The following XKR9 variants were observed in gnomAD, a reference collection of about 807,000 sequenced individuals.
XKR9 encodes the protein XK-related protein 9.
A neutral mutation model predicts 32.0 loss-of-function variants in XKR9; 32 were observed. The observed-to-expected ratio is 1.00, with a 90% CI of 0.76 to 1.34. The LOEUF (loss-of-function observed/expected upper bound fraction) is 1.34, where lower values mean the gene tolerates loss of function less well. XKR9 is among the 40% of genes most tolerant of loss of function. The probability of loss-of-function intolerance (pLI) is 0.00; values close to 1 mark genes in which losing one functional copy is unlikely to be tolerated. For missense variants in XKR9, 546 were observed against 429.7 expected, an observed-to-expected ratio of 1.27 and a Z score of -2.39; for synonymous variants, 168 against 143.4, an observed-to-expected ratio of 1.17 and a Z score of -1.22.
At chr8:70,899,722 T>C in the XKR9 span, among the ~76,000 whole-genome samples, 3 of 152,150 alleles carry the variant, frequency 2.0e-5, no homozygotes, top group Admixed American at 6.6e-5. Context: ...TCACCACTGA[T>C]TTTTTAAAAT....
chr8:70,845,088 C>T, the XKR9 span, among the ~76,000 whole-genome samples: 1 of 152,206 alleles, frequency 6.6e-6, no homozygotes, highest in African/African-American at 2.4e-5. Context: ...GAGTGGCCTA[C>T]CTGGCATCCC....
chr8:70,752,616 T>C (rs1276114030), intron 2 of XKR9, among the ~76,000 whole-genome samples: 1 of 152,190 alleles, frequency 6.6e-6, no homozygotes, highest in Non-Finnish European at 1.5e-5. Context: ...ATAGCTACAA[T>C]GAGGACCATG....
the XKR9 span, among the ~76,000 whole-genome samples, chr8:70,904,720 G>A: frequency 6.6e-6 from 1 of 152,130 alleles, no homozygotes; most frequent in Non-Finnish European, 1.5e-5. Flanking sequence ...TAGCATCAAT[G>A]GTCTTTACAT....
At chr8:70,683,877 T>C (rs1233054508) in intron 3 of XKR9, among the ~76,000 whole-genome samples, 1 of 152,238 alleles carries the variant, frequency 6.6e-6, no homozygotes, top group East Asian at 1.9e-4. Context: ...TCTCAATTTT[T>C]GGTTGTTTGA....
intron 4 of XKR9, among the ~76,000 whole-genome samples, chr8:70,732,687 C>T (rs1438266099): frequency 6.6e-6 from 1 of 152,152 alleles, no homozygotes; most frequent in Non-Finnish European, 1.5e-5. Flanking sequence ...AATCAGTCTC[C>T]AGTAGAGTTT....
the XKR9 span, among the ~76,000 whole-genome samples, chr8:70,842,740 A>G: frequency 6.6e-6 from 1 of 152,150 alleles, no homozygotes; most frequent in Non-Finnish European, 1.5e-5. Context: ...TAACTCCAAC[A>G]TTACCTTTGC....
At chr8:70,838,128 A>C in the XKR9 span, among the ~76,000 whole-genome samples, 2 of 152,122 alleles carry the variant, frequency 1.3e-5, no homozygotes, top group Non-Finnish European at 2.9e-5. Flanking sequence ...GATTGTAAAT[A>C]ATATGTTTCA....
intron 2 of XKR9, among the ~76,000 whole-genome samples, chr8:70,788,167 GCA>G (rs1251349760): frequency 6.6e-6 from 1 of 152,052 alleles, no homozygotes; most frequent in East Asian, 1.9e-4. Flanking sequence ...TATGTCTGTT[GCA>G]CAGTTTCCTG....
chr8:70,751,344 G>A (rs1807138056), intron 2 of XKR9, among the ~76,000 whole-genome samples: 1 of 152,056 alleles, frequency 6.6e-6, no homozygotes, highest in African/African-American at 2.4e-5. Context: ...TGGCCAGGCT[G>A]TCTTGAACTC....
chr8:70,933,865 C>G, the XKR9 span, among the ~76,000 whole-genome samples: 1 of 151,970 alleles, frequency 6.6e-6, no homozygotes, highest in Non-Finnish European at 1.5e-5. Flanking sequence ...TCAGGAACTA[C>G]CATTTATGGA....
chr8:70,750,415 GCTGT>G (rs1807123415), intron 2 of XKR9, among the ~76,000 whole-genome samples: 1 of 152,134 alleles, frequency 6.6e-6, no homozygotes, highest in South Asian at 2.1e-4. Flanking sequence ...GCTTTGGAGG[GCTGT>G]CTGTGTATTC....
chr8:70,762,794 C>A (rs969584966), intron 2 of XKR9, among the ~76,000 whole-genome samples: 2 of 152,070 alleles, frequency 1.3e-5, no homozygotes, highest in Non-Finnish European at 2.9e-5. Flanking sequence ...TTTAAGGGAC[C>A]CTTGTAGTTC....
At chr8:70,935,964 T>C in the XKR9 span, among the ~76,000 whole-genome samples, 5 of 152,038 alleles carry the variant, frequency 3.3e-5, no homozygotes, top group Non-Finnish European at 7.4e-5. Context: ...TAGTGCTAAT[T>C]TATTTGAGCT....
chr8:70,901,660 T>A, the XKR9 span, among the ~76,000 whole-genome samples: 1 of 152,234 alleles, frequency 6.6e-6, no homozygotes, highest in Admixed American at 6.5e-5. Flanking sequence ...AGCTCTTTAG[T>A]TTAATTAGAT....
At chr8:70,776,535 G>T (rs1219251749) in intron 2 of XKR9, among the ~76,000 whole-genome samples, 1 of 152,004 alleles carries the variant, frequency 6.6e-6, no homozygotes, top group Non-Finnish European at 1.5e-5. Context: ...ACTCCCTGGG[G>T]TTTCTATAAG....
chr8:70,769,214 C>G (rs1807419653), intron 2 of XKR9, among the ~76,000 whole-genome samples: 1 of 149,332 alleles, frequency 6.7e-6, no homozygotes, highest in East Asian at 2.0e-4. Context: ...AAATGAAATT[C>G]TGGGTTGAAA....
the XKR9 span, among the ~76,000 whole-genome samples, chr8:70,893,319 CTT>C: frequency 1.3e-5 from 2 of 152,072 alleles, no homozygotes; most frequent in Non-Finnish European, 2.9e-5. Context: ...ATTTTAGCTT[CTT>C]TTTTTGGTAA....
the XKR9 span, among the ~76,000 whole-genome samples, chr8:70,955,106 A>G: frequency 1.3e-5 from 2 of 152,206 alleles, no homozygotes; most frequent in African/African-American, 2.4e-5. Context: ...TTCAATTCCA[A>G]CTTCACCCGT....
chr8:70,945,772 T>C, the XKR9 span, among the ~76,000 whole-genome samples: 1 of 152,214 alleles, frequency 6.6e-6, no homozygotes, highest in Non-Finnish European at 1.5e-5. Context: ...AAATCTGATT[T>C]GGTGTTAACT....
Sources: allele counts gnomAD v4.1 joint callset (sites outside exome capture counted in the v4.1 genomes callset), GRCh38; gene constraint gnomAD v4.1.1; transcripts MANE v1.5; gene names NCBI Gene and HGNC (gene_info 2026-07-23, HGNC 2026-07-21).